The following MCM10 variants were observed in gnomAD, a reference collection of about 807,000 sequenced individuals.
MCM10 encodes the protein protein MCM10 homolog.
A neutral mutation model predicts 109.9 loss-of-function variants in MCM10; 91 were observed. The observed-to-expected ratio is 0.83, with a 90% CI of 0.70 to 0.99. The LOEUF is 0.99. Ranked by LOEUF, MCM10 falls within the 50% of genes least tolerant of loss-of-function variation. The probability of loss-of-function intolerance (pLI) is 0.00; values close to 1 mark genes in which losing one functional copy is unlikely to be tolerated. For missense variants in MCM10, 1,077 were observed against 1,061.2 expected (o/e 1.01, Z -0.21); for synonymous variants, 380 against 387.2 (o/e 0.98, Z 0.22).
chr10:13,192,797 GA>G (rs1233295961), intron 13 of MCM10, among the ~76,000 whole-genome samples: 1 of 152,194 alleles, frequency 6.6e-6, no homozygotes, highest in Non-Finnish European at 1.5e-5. Flanking sequence ...TATCACCATG[GA>G]AAAGGGAAAG....
chr10:13,201,351 A>T, intron 16 of MCM10, 70 bp from the exon 17 acceptor site: 1 of 883,308 alleles, frequency 1.1e-6, no homozygotes, highest in Non-Finnish European at 1.8e-6. Flanking sequence ...TCATCGAGTT[A>T]CTCTTACTGT....
intron 2 of MCM10, among the ~76,000 whole-genome samples, chr10:13,168,659 TAAAC>T (rs957995107): frequency 9.9e-5 from 15 of 152,050 alleles, no homozygotes; most frequent in African/African-American, 2.9e-4. Flanking sequence ...GATTGGCAAA[TAAAC>T]AAACAATTCT....
chr10:13,169,852 C>T (rs1426916047), intron 2 of MCM10, among the ~76,000 whole-genome samples: 5 of 152,126 alleles, frequency 3.3e-5, no homozygotes, highest in Non-Finnish European at 5.9e-5. Context: ...ATTACAGGCA[C>T]GGGCCACCAC....
intron 18 of MCM10, among the ~76,000 whole-genome samples, chr10:13,205,796 A>T (rs1270234958): frequency 1.3e-5 from 2 of 152,198 alleles, no homozygotes; most frequent in African/African-American, 4.8e-5. Context: ...TTGAACCCAC[A>T]GGTGTGGTAG....
chr10:13,194,950 G>T, intron 13 of MCM10, 91 bp from the exon 14 acceptor site: 2 of 1,152,772 alleles, frequency 1.7e-6, no homozygotes, highest in South Asian at 1.5e-5. Context: ...CCAACTGGTG[G>T]CCTGCCTGCC....
chr10:13,175,647 A>C lies in MCM10; in HGVS notation c.730A>C (p.Ile244Leu). The C allele has an allele frequency of 6.2e-7, 1 of 1,612,654 alleles. No individual in the cohort carries two copies. The highest frequency in any genetic ancestry group is 8.5e-7 in the Non-Finnish European group (1 of 1,179,080). Residue 244 changes from isoleucine (I) to leucine (L), a missense_variant, in exon 6 of 20, where the codon ATC becomes CTC. Ile to Leu is a conservative substitution (Grantham distance 5). Coordinates refer to ENST00000378714, the MANE Select transcript of MCM10 (RefSeq NM_018518.5). The part of the protein sequence containing the change: ...PGSSGETTQP[I>L]CVEAFSGLRL... The stretch of plus-strand genomic sequence containing the variant: ...AAGTTCTGGGGAAACGACTCAACCC[A>C]TCTGTGTGGAAGCCTTCTCTGGTCT...
At chr10:13,201,843 G>T in intron 17 of MCM10, 1 of 289,976 alleles carries the variant, frequency 3.4e-6, no homozygotes, top group Non-Finnish European at 6.6e-6. Context: ...TCTTTCTCAG[G>T]TTTTGGCGTA....
chr10:13,201,656 T>A, intron 17 of MCM10, 122 bp downstream of exon 17: 1 of 744,466 alleles, frequency 1.3e-6, no homozygotes, highest in Non-Finnish European at 2.3e-6. Flanking sequence ...TTAATTAGGC[T>A]GGAAAGCAAA....
At position 13,172,886 on chromosome 10, in the gene MCM10, A is replaced by C; in HGVS notation, c.592+121A>C. 8.7e-6 allele frequency: 8 copies of C among 923,798 alleles called. No individual in the cohort carries two copies. The highest frequency in any genetic ancestry group is 1.3e-5 in the Non-Finnish European group (8 of 626,002). The allele number at this position is 923,798 out of a possible 1,614,324, so 57.2% of individuals were successfully genotyped here. On this transcript the variant is annotated intron_variant, in intron 5 of 19. Coordinates refer to ENST00000378714, the MANE Select transcript of MCM10 (RefSeq NM_018518.5). The surrounding 1 kb of genome is among the most constrained non-coding windows in gnomAD (Gnocchi z 5.2). ...TGTCTTATGTCCCCATTGAGAAAGA[A>C]AGTTTCTTGGGAATGGAAGCCACAT...
intron 14 of MCM10, among the ~76,000 whole-genome samples, chr10:13,196,064 G>A (rs370019853): frequency 6.6e-6 from 1 of 151,858 alleles, no homozygotes. Context: ...ATGCCACCAC[G>A]CCTTGGCTAA....
At chr10:13,179,014 G>A (rs761329892) in intron 6 of MCM10, among the ~76,000 whole-genome samples, 1 of 152,078 alleles carries the variant, frequency 6.6e-6, no homozygotes, top group Non-Finnish European at 1.5e-5. Context: ...TTCGTTGTTG[G>A]CATCTAGAAA....
Sources: gnomAD v4.1 joint callset for allele counts (sites outside exome capture counted in the v4.1 genomes callset) on GRCh38, gnomAD v4.1.1 for gene constraint, Gnocchi (gnomAD v3.1) non-coding constraint, MANE v1.5 for transcripts, NCBI Gene and HGNC (gene_info 2026-07-23, HGNC 2026-07-21) for gene names.